Variants in RNF115 observed in about 807,000 individuals in gnomAD.
RNF115 encodes the protein ring finger protein 115.
In RNF115, 31 loss-of-function variants were observed where a neutral mutation model predicts 39.2. That is an observed-to-expected ratio of 0.79 (90% CI 0.59 to 1.07). The LOEUF (loss-of-function observed/expected upper bound fraction) is 1.07, where lower values mean the gene tolerates loss of function less well. RNF115 is among the 50% of genes least tolerant of loss of function. The pLI, the probability that RNF115 is intolerant of heterozygous loss-of-function variation, is 0.00. For synonymous variants in RNF115, 124 were observed against 131.0 expected (o/e 0.95, Z 0.37); for missense variants, 384 against 381.7 (o/e 1.01, Z -0.05).
intron 1 of RNF115, among the ~76,000 whole-genome samples, chr1:145,801,723 C>T (rs1553720914): frequency 6.6e-6 from 1 of 152,090 alleles, no homozygotes. Flanking sequence ...GTCACAAAAT[C>T]TTACCCCTCA....
chr1:145,751,550 C>T (rs781859994), intron 5 of RNF115, 40 bp from the exon 6 acceptor site: 1 of 1,451,840 alleles, frequency 6.9e-7, no homozygotes. Context: ...GATGGAGTGA[C>T]CAGGCTCTGC....
At chr1:145,760,785 A>T (rs1378755914) in intron 4 of RNF115, among the ~76,000 whole-genome samples, 1 of 152,190 alleles carries the variant, frequency 6.6e-6, no homozygotes, top group African/African-American at 2.4e-5. Context: ...AAAAATGTGG[A>T]ATTGACTTTG....
At chr1:145,795,326 AG>A (rs1648922279) in intron 1 of RNF115, among the ~76,000 whole-genome samples, 2 of 152,138 alleles carry the variant, frequency 1.3e-5, no homozygotes, top group South Asian at 4.1e-4. Context: ...AGAAGAGCCA[AG>A]AACAAAGCTT....
rs1051491150 is a variant in RNF115, at chr1:145,741,051, T to A, written c.*5815A>T. The A allele has an allele frequency of 6.6e-6, 1 of 152,258 alleles. No homozygotes were observed. The highest frequency in any genetic ancestry group is 1.5e-5 in the Non-Finnish European group (1 of 68,066). 9.4% of individuals were successfully genotyped at this position (152,258 alleles called of 1,614,324 possible). A position where few individuals can be genotyped will look rare whatever the true frequency, so the allele number is the denominator to read the frequency against. On this transcript the variant is annotated 3_prime_UTR_variant, in exon 9 of 9. Transcript: ENST00000582693. Reference sequence around the variant, plus strand: ...TGGTGTTTTATTGTGCTGCCCAGGCTGGTCTCAAACTCCTGACCTCAAGTG... The same window carrying A: ...TGGTGTTTTATTGTGCTGCCCAGGCAGGTCTCAAACTCCTGACCTCAAGTG...
chr1:145,792,316 G>C (rs1648712566), intron 1 of RNF115, among the ~76,000 whole-genome samples: 1 of 151,710 alleles, frequency 6.6e-6, no homozygotes, highest in Non-Finnish European at 1.5e-5. Context: ...AGACAGGATG[G>C]TAATTCAAAC....
intron 3 of RNF115, 108 bp from the exon 4 acceptor site, chr1:145,772,027 GTCT>G (rs1647668002): frequency 3.5e-6 from 3 of 857,484 alleles, no homozygotes; most frequent in Admixed American, 2.6e-5. Context: ...ATTACTGTAT[GTCT>G]TCTTCTGCAG....
chr1:145,811,282 G>A (rs1649679369), intron 1 of RNF115, among the ~76,000 whole-genome samples: 1 of 149,432 alleles, frequency 6.7e-6, no homozygotes, highest in South Asian at 2.1e-4. Context: ...AGCACTTTGG[G>A]AGGCCAAGGA....
chr1:145,791,294 C>G (rs1190886263), intron 1 of RNF115, among the ~76,000 whole-genome samples: 2 of 151,258 alleles, frequency 1.3e-5, no homozygotes, highest in African/African-American at 4.9e-5. Context: ...GGCAGATCAC[C>G]TGAGGTCGGG....
intron 4 of RNF115, among the ~76,000 whole-genome samples, chr1:145,766,627 A>G (rs1158440575): frequency 2.5e-5 from 3 of 119,152 alleles, no homozygotes; most frequent in Admixed American, 8.5e-5. Context: ...CGGGGGGCTG[A>G]CCCCCCCACC....
At chr1:145,805,973 CAAT>C (rs1210832537) in intron 1 of RNF115, among the ~76,000 whole-genome samples, 29 of 152,288 alleles carry the variant, frequency 1.9e-4, no homozygotes, top group South Asian at 2.1e-4. Context: ...CTTACAACAA[CAAT>C]ATCTCAGACC....
At position 145,823,886 on chromosome 1, in the gene RNF115, C is replaced by T; in HGVS notation, c.-13G>A. 1.3e-6 allele frequency: 2 copies of T among 1,513,238 alleles called. No homozygotes were observed. Among genetic ancestry groups the T allele is most frequent in the African/African-American group, 2.9e-5 (2 of 69,520 alleles). The allele number at this position is 1,513,238 out of a possible 1,614,324, so 93.7% of individuals were successfully genotyped here. ...AAGCCTCCGCCATTTTTGCCCTCCG[C>T]CGCGGCCGTCCGAGAGGGCAGCCGG... On this transcript the variant is annotated 5_prime_UTR_variant, in exon 1 of 9. Transcript: ENST00000582693.
Position 145,771,760 on chromosome 1 carries a change from A to C in RNF115, c.379T>G (p.Tyr127Asp). Residue 127 changes from tyrosine (Y) to aspartate (D), a missense_variant, in exon 4 of 9, where the codon TAC (tyrosine) becomes GAC (aspartate). Coordinates refer to ENST00000582693, the MANE Select transcript of RNF115 (RefSeq NM_014455.4). ...RPPRLPLGRR[Y>D]RSRGSSRPDR... Reference sequence around the variant, plus strand: ...GGACGAGAACTTCCTCGAGATCTGTATCTCCGACCCAATGGCAACCGTGGA... The same window carrying C: ...GGACGAGAACTTCCTCGAGATCTGTCTCTCCGACCCAATGGCAACCGTGGA... 6.2e-7 allele frequency: 1 copy of C among 1,614,196 alleles called. No homozygotes were observed. The highest frequency in any genetic ancestry group is 8.5e-7 in the Non-Finnish European group (1 of 1,180,016).
intron 1 of RNF115, among the ~76,000 whole-genome samples, chr1:145,809,488 A>ATTTTTTTT (rs781918386): frequency 0.31 from 14,261 of 45,800 alleles, 3,252 homozygotes; most frequent in Middle Eastern, 0.47. Flanking sequence ...GACCCAGCTA[A>ATTTTTTTT]TTTTTTTTTT....
chr1:145,742,442 T>C lies in RNF115; in HGVS notation c.*4424A>G, dbSNP rs1553711101. ...ATTTATTCTCAACCTTTGGAAATGA[T>C]TACGTTTTTACCTCCAGTGAATCCC... is the stretch of plus-strand genomic sequence containing the variant. On this transcript the variant is annotated 3_prime_UTR_variant, in exon 9 of 9. Coordinates refer to ENST00000582693, the MANE Select transcript of RNF115 (RefSeq NM_014455.4). 1 of 152,196 alleles carries C rather than the reference T, an allele frequency of 6.6e-6. No individual in the cohort carries two copies. The highest frequency in any genetic ancestry group is 1.5e-5 in the Non-Finnish European group (1 of 68,016). The allele number at this position is 152,196 out of a possible 1,614,324, so 9.4% of individuals were successfully genotyped here.
rs1176626675 is a variant in RNF115 at position 145,800,955 on chromosome 1, A to G, written c.103-11989T>C. On this transcript the variant is annotated intron_variant, in intron 1 of 8. Transcript: ENST00000582693. ...GAGGGCCAAGGCGGGCAGATCACAA[A>G]GTCAGGAGATCGAGACCATCCTGGC... 2.6e-5 allele frequency among the ~76,000 whole-genome samples: 4 copies of G among 152,168 alleles called. No individual in the cohort carries two copies. The East Asian group carries it at 7.8e-4, about 30-fold the overall frequency.
intron 1 of RNF115, among the ~76,000 whole-genome samples, chr1:145,809,214 T>G (rs782269389): frequency 1.4e-5 from 2 of 144,580 alleles, no homozygotes; most frequent in Non-Finnish European, 3.0e-5. Flanking sequence ...TGAGACAGAG[T>G]CTCACTCTGT....
intron 1 of RNF115, among the ~76,000 whole-genome samples, chr1:145,821,294 C>A (rs1179272281): frequency 7.7e-6 from 1 of 130,594 alleles, no homozygotes; most frequent in African/African-American, 2.6e-5. Context: ...TCAGATATGA[C>A]AAATAATATA....
chr1:145,813,571 C>G (rs1649828873), intron 1 of RNF115, among the ~76,000 whole-genome samples: 2 of 152,194 alleles, frequency 1.3e-5, no homozygotes, highest in East Asian at 3.9e-4. Context: ...TCCAATTCCT[C>G]TGGTCTCAGT....
intron 1 of RNF115, among the ~76,000 whole-genome samples, chr1:145,808,278 G>A (rs1279584127): frequency 6.6e-6 from 1 of 152,018 alleles, no homozygotes; most frequent in Non-Finnish European, 1.5e-5. Context: ...GTTTTCCATA[G>A]TGACCATACT....
Sources: allele counts gnomAD v4.1 joint callset (sites outside exome capture counted in the v4.1 genomes callset), GRCh38; gene constraint gnomAD v4.1.1; transcripts MANE v1.5; gene names NCBI Gene and HGNC (gene_info 2026-07-23, HGNC 2026-07-21).